LRRTM4: variants seen among roughly 807,000 people sequenced by gnomAD.
The protein encoded by LRRTM4 is leucine rich repeat transmembrane neuronal 4.
A neutral mutation model predicts 47.6 loss-of-function variants in LRRTM4; 25 were observed. That is an observed-to-expected ratio of 0.53 (90% CI 0.38 to 0.73). The LOEUF is 0.73. Ranked by LOEUF, LRRTM4 falls within the 30% of genes least tolerant of loss-of-function variation. LRRTM4 has a pLI of 0.00. For missense variants in LRRTM4, 638 were observed against 713.4 expected, an observed-to-expected ratio of 0.89 and a Z score of 1.20; for synonymous variants, 311 against 269.5, an observed-to-expected ratio of 1.15 and a Z score of -1.51.
rs1335787596 is a variant in LRRTM4 at position 77,138,300 on chromosome 2, A to G, written c.1551+380018T>C. ...TCAGACCACAGTGCAATCAAACTAG[A>G]ACTCAGGATTAAGAAACCCATTCAA... On this transcript the variant is annotated intron_variant, in intron 3 of 3. Transcript: ENST00000409884. Among the ~76,000 whole-genome samples, 3 of 152,224 alleles carry G rather than the reference A, an allele frequency of 2.0e-5. No individual in the cohort carries two copies. In the East Asian group the frequency reaches 5.8e-4, roughly 29 times the overall value.
At chr2:77,224,276 A>G (rs1179159857) in intron 3 of LRRTM4, among the ~76,000 whole-genome samples, 1 of 152,012 alleles carries the variant, frequency 6.6e-6, no homozygotes. Context: ...AACCTAGGCA[A>G]TACCATTCAG....
chr2:77,309,806 G>T (rs1677401232), intron 3 of LRRTM4, among the ~76,000 whole-genome samples: 1 of 152,178 alleles, frequency 6.6e-6, no homozygotes, highest in Admixed American at 6.6e-5. Flanking sequence ...CATCTCCATA[G>T]TATGGAAGAT....
intron 3 of LRRTM4, among the ~76,000 whole-genome samples, chr2:77,224,987 G>A (rs1470254857): frequency 6.7e-6 from 1 of 149,646 alleles, no homozygotes; most frequent in Non-Finnish European, 1.5e-5. Flanking sequence ...ATGATAGACT[G>A]GATTAAGAAA....
At chr2:77,255,448 C>A (rs1024321013) in intron 3 of LRRTM4, among the ~76,000 whole-genome samples, 1 of 151,958 alleles carries the variant, frequency 6.6e-6, no homozygotes, top group Non-Finnish European at 1.5e-5. Context: ...GGTCACTCTA[C>A]CCATCAACAG....
chr2:77,403,203 T>C (rs1457670886), intron 3 of LRRTM4, among the ~76,000 whole-genome samples: 1 of 151,970 alleles, frequency 6.6e-6, no homozygotes, highest in Non-Finnish European at 1.5e-5. Context: ...TAATAATCAA[T>C]TTGCCTTCCT....
In LRRTM4 at chr2:76,988,649, T is replaced by C. The variant is rs144128321; in HGVS notation, c.1552-239733A>G. ...TATTTTGTAGAGGCTATAAACTTAG[T>C]CATTACATTGCATATATTATAGTGA... is the stretch of plus-strand genomic sequence containing the variant. On this transcript the variant is annotated intron_variant, in intron 3 of 3. Transcript: ENST00000409884. 1.1e-3 allele frequency among the ~76,000 whole-genome samples: 169 copies of C among 151,956 alleles called. 1 individual carries two copies. In the Middle Eastern group the frequency reaches 0.014, roughly 12 times the overall value.
At chr2:77,483,433 C>T (rs1020770773) in intron 3 of LRRTM4, among the ~76,000 whole-genome samples, 2 of 151,982 alleles carry the variant, frequency 1.3e-5, no homozygotes, top group East Asian at 1.9e-4. Flanking sequence ...CTCTGCCTCC[C>T]GGGTTCAAGC....
intron 3 of LRRTM4, among the ~76,000 whole-genome samples, chr2:76,973,738 G>C (rs551960971): frequency 6.6e-6 from 1 of 151,920 alleles, no homozygotes; most frequent in Non-Finnish European, 1.5e-5. Flanking sequence ...AATGTATAAA[G>C]GATGACAAAA....
chr2:77,078,528 A>C (rs137962351), intron 3 of LRRTM4, among the ~76,000 whole-genome samples: 3 of 152,142 alleles, frequency 2.0e-5, no homozygotes, highest in Non-Finnish European at 4.4e-5. Context: ...ATATATTTTT[A>C]TAATCAATAT....
chr2:76,767,756 GTTC>G (rs1445217676), intron 3 of LRRTM4, among the ~76,000 whole-genome samples: 1 of 151,472 alleles, frequency 6.6e-6, no homozygotes, highest in East Asian at 1.9e-4. Context: ...CTCTTCCTTT[GTTC>G]TTCTTTTATT....
chr2:77,426,858 G>C (rs1440108189), intron 3 of LRRTM4, among the ~76,000 whole-genome samples: 3 of 151,916 alleles, frequency 2.0e-5, no homozygotes, highest in Admixed American at 6.6e-5. Flanking sequence ...GAGAGAGAGA[G>C]AGGGAGAGAA....
At position 76,807,716 on chromosome 2, in the gene LRRTM4, C is replaced by T. The variant is rs531211448; in HGVS notation, c.1552-58800G>A. Reference sequence around the variant, plus strand: ...AAGAGATTCTTCTGCCTCAGCCTCCCGAGTAGTTGGGATTACAGGCATGTG... The same window carrying T: ...AAGAGATTCTTCTGCCTCAGCCTCCTGAGTAGTTGGGATTACAGGCATGTG... On this transcript the variant is annotated intron_variant, in intron 3 of 3. Transcript: ENST00000409884. Among the ~76,000 whole-genome samples the T allele has an allele frequency of 6.6e-5, 10 of 150,862 alleles. No individual in the cohort carries two copies. The East Asian group carries it at 1.4e-3, about 21-fold the overall frequency.
At chr2:77,020,920 G>A (rs1573460939) in intron 3 of LRRTM4, among the ~76,000 whole-genome samples, 2 of 152,260 alleles carry the variant, frequency 1.3e-5, no homozygotes, top group East Asian at 3.9e-4. Context: ...GTTATGGACT[G>A]GTGATTGACT....
chr2:77,229,253 C>T (rs1220799061), intron 3 of LRRTM4, among the ~76,000 whole-genome samples: 1 of 151,880 alleles, frequency 6.6e-6, no homozygotes, highest in Non-Finnish European at 1.5e-5. Context: ...TATTCATTCC[C>T]CAGGTCCCTG....
At chr2:77,223,677 G>A (rs1247017961) in intron 3 of LRRTM4, among the ~76,000 whole-genome samples, 6 of 152,072 alleles carry the variant, frequency 3.9e-5, no homozygotes, top group Admixed American at 3.3e-4. Context: ...TCTTCACGGA[G>A]AACTACAAAC....
chr2:77,269,611 T>C (rs1250023565), intron 3 of LRRTM4, among the ~76,000 whole-genome samples: 1 of 152,144 alleles, frequency 6.6e-6, no homozygotes, highest in East Asian at 1.9e-4. Context: ...TGATAATCAC[T>C]AATAATTTAA....
intron 3 of LRRTM4, among the ~76,000 whole-genome samples, chr2:76,970,174 A>G (rs1476170703): frequency 6.6e-6 from 1 of 152,032 alleles, no homozygotes; most frequent in Non-Finnish European, 1.5e-5. Flanking sequence ...TTCCAAAAAC[A>G]GGATTCATAA....
chr2:76,988,732 A>G (rs1289693809), intron 3 of LRRTM4, among the ~76,000 whole-genome samples: 1 of 151,790 alleles, frequency 6.6e-6, no homozygotes, highest in African/African-American at 2.4e-5. Flanking sequence ...CGTCAGTTCC[A>G]TAACAGGTGG....
At chr2:77,008,631 C>T (rs911018127) in intron 3 of LRRTM4, among the ~76,000 whole-genome samples, 2 of 152,112 alleles carry the variant, frequency 1.3e-5, no homozygotes, top group African/African-American at 2.4e-5. Flanking sequence ...GGATACCAGA[C>T]TATACTCTTG....
Sources: allele counts gnomAD v4.1 joint callset (sites outside exome capture counted in the v4.1 genomes callset), GRCh38; gene constraint gnomAD v4.1.1; transcripts MANE v1.5; gene names NCBI Gene and HGNC (gene_info 2026-07-23, HGNC 2026-07-21).